Variants in MVB12B observed in about 807,000 individuals in gnomAD.
MVB12B encodes ESCRT-I complex subunit MVB12B.
Under a neutral mutation model 41.6 loss-of-function variants are expected in MVB12B, and 16 were observed. The ratio of observed to expected loss-of-function variants is 0.38; its 90% confidence interval spans 0.26 to 0.58. The LOEUF (loss-of-function observed/expected upper bound fraction) is 0.58. Among genes scored for constraint, MVB12B ranks in the 20% least tolerant of loss-of-function variants. The probability of loss-of-function intolerance (pLI) is 0.62; values close to 1 mark genes in which losing one functional copy is unlikely to be tolerated. For missense variants in MVB12B, 274 were observed against 380.2 expected (o/e 0.72, Z 2.32); for synonymous variants, 133 against 139.7 (o/e 0.95, Z 0.34).
chr9:126,465,047 G>C (rs1057308779), intron 7 of MVB12B, among the ~76,000 whole-genome samples: 2 of 152,190 alleles, frequency 1.3e-5, no homozygotes, highest in African/African-American at 4.8e-5. Flanking sequence ...GAAAGGGAAG[G>C]CCCAGGACCT....
intron 6 of MVB12B, among the ~76,000 whole-genome samples, chr9:126,401,033 C>T (rs1029810793): frequency 2.6e-5 from 4 of 152,330 alleles, no homozygotes; most frequent in South Asian, 4.1e-4. Context: ...CCTCACCCCA[C>T]CCTTCCTGCT....
chr9:126,386,565 C>A lies in MVB12B; in HGVS notation c.316C>A (p.His106Asn). 1.2e-6 allele frequency: 2 copies of A among 1,610,134 alleles called. No homozygotes were observed. Among genetic ancestry groups the A allele is most frequent in the South Asian group, 2.2e-5 (2 of 90,970 alleles). The change falls in exon 4 of 10, where the codon CAT becomes AAT. Residue 106 changes from histidine (H) to asparagine (N), a missense_variant. Coordinates refer to ENST00000361171, the MANE Select transcript of MVB12B (RefSeq NM_033446.3). The surrounding 1 kb of genome is among the most constrained non-coding windows in gnomAD (Gnocchi z 4.3). ...FTRSFSKENS[H>N]LGNVLVDMKL... ...ATCTCTTTTCTTTCTTCCCAAGAGTCATCTGGGGAACGTGTTAGTAGATAT... is the reference window on the plus strand; with the variant it reads ...ATCTCTTTTCTTTCTTCCCAAGAGTAATCTGGGGAACGTGTTAGTAGATAT...
chr9:126,335,721 A>C (rs1453760703), intron 1 of MVB12B, among the ~76,000 whole-genome samples: 4 of 152,214 alleles, frequency 2.6e-5, no homozygotes, highest in Non-Finnish European at 4.4e-5. Flanking sequence ...CCTACGGCGA[A>C]TGAAATGTTT....
In MVB12B at chr9:126,482,654, G is replaced by A. The variant is rs112626547; in HGVS notation, c.813+1230G>A. Among the ~76,000 whole-genome samples the A allele has an allele frequency of 3.8e-3, 586 of 152,312 alleles. 3 individuals are homozygous for A. Among genetic ancestry groups the A allele is most frequent in the African/African-American group, 0.014 (563 of 41,544 alleles). ...CTGCACCTCTGCTGGGTCGCAGGCA[G>A]GCGGCCCCGCTCTCGCACCCCTCGT... On this transcript the variant is annotated intron_variant, in intron 8 of 9. Coordinates refer to ENST00000361171, the MANE Select transcript of MVB12B (RefSeq NM_033446.3).
intron 2 of MVB12B, among the ~76,000 whole-genome samples, chr9:126,364,825 C>T (rs1398480386): frequency 1.3e-5 from 2 of 152,036 alleles, no homozygotes; most frequent in Admixed American, 1.3e-4. Context: ...AATCTCCACT[C>T]ACTGCAAGCT....
chr9:126,501,773 C>T (rs371625894), intron 9 of MVB12B, among the ~76,000 whole-genome samples: 65 of 152,330 alleles, frequency 4.3e-4, no homozygotes, highest in African/African-American at 1.5e-3. Context: ...CCCTGCGGCC[C>T]TCCTCGCTCA....
At chr9:126,396,725 C>T (rs1041816008) in intron 6 of MVB12B, 2 of 985,478 alleles carry the variant, frequency 2.0e-6, no homozygotes, top group Non-Finnish European at 2.4e-6. Flanking sequence ...TGGTCCTTCT[C>T]ATGACAGTTT....
chr9:126,426,477 T>A (rs1380341093), intron 7 of MVB12B, among the ~76,000 whole-genome samples: 1 of 152,190 alleles, frequency 6.6e-6, no homozygotes, highest in African/African-American at 2.4e-5. Context: ...CACTCCTGAG[T>A]TTCCTGGTCA....
At chr9:126,338,458 A>G (rs191596240) in intron 1 of MVB12B, among the ~76,000 whole-genome samples, 2 of 152,290 alleles carry the variant, frequency 1.3e-5, no homozygotes, top group South Asian at 2.1e-4. Context: ...GGATGTGGCA[A>G]TGAATCCACC....
Position 126,376,488 on chromosome 9 carries a change from G to A in MVB12B, c.205-4576G>A, listed in dbSNP as rs1488409335. The A allele has an allele frequency of 6.2e-6, 8 of 1,287,584 alleles. No homozygotes were observed. The highest frequency in any genetic ancestry group is 8.1e-6 in the Non-Finnish European group (8 of 987,556). The allele number at this position is 1,287,584 out of a possible 1,614,324, so 79.8% of individuals were successfully genotyped here. A position where few individuals can be genotyped will look rare whatever the true frequency, so the allele number is the denominator to read the frequency against. On this transcript the variant is annotated intron_variant, in intron 2 of 9. Coordinates refer to ENST00000361171, the MANE Select transcript of MVB12B (RefSeq NM_033446.3). The surrounding 1 kb of genome is among the most constrained non-coding windows in gnomAD (Gnocchi z 4.1). ...TGGGCTGGAGCCCTGTGGGTGGGGG[G>A]CCTGCTGGCTGGTGTGCTACACAGT...
intron 7 of MVB12B, among the ~76,000 whole-genome samples, chr9:126,428,322 C>A (rs1832237346): frequency 1.3e-5 from 2 of 152,114 alleles, no homozygotes; most frequent in African/African-American, 2.4e-5. Flanking sequence ...TTATGAAATT[C>A]ATGATTTATA....
At position 126,403,867 on chromosome 9, in the gene MVB12B, G is replaced by A. The variant is rs182773402; in HGVS notation, c.662+8170G>A. The stretch of plus-strand genomic sequence containing the variant: ...TATTTTATGCATCGCCCTTCCATCC[G>A]TCCATCCATCCAGCAGAGACTTATC... On this transcript the variant is annotated intron_variant, in intron 6 of 9. Coordinates refer to ENST00000361171, the MANE Select transcript of MVB12B (RefSeq NM_033446.3). 2.2e-4 allele frequency among the ~76,000 whole-genome samples: 34 copies of A among 151,420 alleles called. 1 individual carries two copies. Among genetic ancestry groups the A allele is most frequent in the Admixed American group, 2.0e-3 (30 of 15,232 alleles).
chr9:126,417,168 G>A (rs1486441475), intron 6 of MVB12B, among the ~76,000 whole-genome samples: 1 of 152,148 alleles, frequency 6.6e-6, no homozygotes, highest in Non-Finnish European at 1.5e-5. Flanking sequence ...CTGCCCAGGG[G>A]GCCTTCTCAC....
At chr9:126,462,764 G>A (rs1833115008) in intron 7 of MVB12B, among the ~76,000 whole-genome samples, 1 of 152,288 alleles carries the variant, frequency 6.6e-6, no homozygotes, top group East Asian at 1.9e-4. Context: ...GAGCTCAGGT[G>A]GGATTACTGT....
intron 1 of MVB12B, among the ~76,000 whole-genome samples, chr9:126,328,957 A>T (rs1829057222): frequency 1.3e-5 from 2 of 151,782 alleles, no homozygotes; most frequent in African/African-American, 4.8e-5. Flanking sequence ...AATTATTATT[A>T]TTTTTAGTAG....
chr9:126,376,304 G>C lies in MVB12B; in HGVS notation c.205-4760G>C, dbSNP rs960426690. On this transcript the variant is annotated intron_variant, in intron 2 of 9. Transcript: ENST00000361171. This position sits in a 1 kb window ranked among gnomAD's most constrained non-coding sequence, Gnocchi z 4.1. ...CCTCTGAGGATTTAATTACAGACTG[G>C]GTTCTCTGTCCTGAGCCGGCACTGT... The C allele has an allele frequency of 2.8e-6, 1 of 353,214 alleles. No individual in the cohort carries two copies. The highest frequency in any genetic ancestry group is 5.6e-6 in the Non-Finnish European group (1 of 177,858). 21.9% of individuals were successfully genotyped at this position (353,214 alleles called of 1,614,324 possible).
intron 6 of MVB12B, among the ~76,000 whole-genome samples, chr9:126,399,411 C>T (rs995967505): frequency 1.3e-5 from 2 of 152,182 alleles, no homozygotes; most frequent in Non-Finnish European, 1.5e-5. Context: ...ATCTCTGTGG[C>T]CCTCTTTGGG....
At chr9:126,361,781 G>A (rs1830035903) in intron 2 of MVB12B, among the ~76,000 whole-genome samples, 1 of 151,974 alleles carries the variant, frequency 6.6e-6, no homozygotes, top group African/African-American at 2.4e-5. Flanking sequence ...GGGTGTGATG[G>A]TGCACACCTG....
chr9:126,391,627 AT>A lies in MVB12B; in HGVS notation c.410-437del, dbSNP rs1451828035. Among the ~76,000 whole-genome samples, 1 of 152,226 alleles carries A rather than the reference AT, an allele frequency of 6.6e-6. No individual in the cohort carries two copies. The highest frequency in any genetic ancestry group is 1.5e-5 in the Non-Finnish European group (1 of 68,040). ...AACCAGCTTGTCCATTGTGCACAGC[AT>A]TGACACTGGGTGACGGGAACACGTG... On this transcript the variant is annotated intron_variant, in intron 4 of 9. Coordinates refer to ENST00000361171, the MANE Select transcript of MVB12B (RefSeq NM_033446.3). This position sits in a 1 kb window ranked among gnomAD's most constrained non-coding sequence, Gnocchi z 4.4.
Sources: gnomAD v4.1 joint callset for allele counts (sites outside exome capture counted in the v4.1 genomes callset) on GRCh38, gnomAD v4.1.1 for gene constraint, Gnocchi (gnomAD v3.1) non-coding constraint, MANE v1.5 for transcripts, NCBI Gene and HGNC (gene_info 2026-07-23, HGNC 2026-07-21) for gene names.